Variants in CCDC60 observed in about 807,000 individuals in gnomAD.
CCDC60 encodes coiled-coil domain-containing protein 60.
CCDC60 carries 54 observed loss-of-function variants against 63.5 expected under a neutral mutation model. That is an observed-to-expected ratio of 0.85 (90% confidence interval 0.68 to 1.07). CCDC60 has a LOEUF of 1.07. CCDC60 is among the 50% of genes least tolerant of loss of function. The probability of loss-of-function intolerance (pLI) is 0.00; values close to 1 mark genes in which losing one functional copy is unlikely to be tolerated. For synonymous variants in CCDC60, 206 were observed against 238.8 expected, an observed-to-expected ratio of 0.86 and a Z score of 1.27; for missense variants, 651 against 684.3, an observed-to-expected ratio of 0.95 and a Z score of 0.54.
chr12:119,388,047 C>G (rs898365660), intron 1 of CCDC60: 1 of 152,200 alleles, frequency 6.6e-6, no homozygotes, highest in Non-Finnish European at 1.5e-5. Flanking sequence ...GTTAGAGCAG[C>G]ACAAAGGTGG....
intron 4 of CCDC60, 147 bp downstream of exon 4, chr12:119,479,348 CA>C: frequency 1.7e-6 from 1 of 604,018 alleles, no homozygotes; most frequent in South Asian, 2.0e-5. Context: ...AGCTATTTGG[CA>C]TATAAAAATA....
At chr12:119,495,562 C>G (rs1007706815) in intron 5 of CCDC60, among the ~76,000 whole-genome samples, 5 of 152,192 alleles carry the variant, frequency 3.3e-5, no homozygotes, top group African/African-American at 1.2e-4. Context: ...ATTCCAAGAC[C>G]TTTACGTCTT....
chr12:119,369,201 T>C (rs779892946), intron 1 of CCDC60, among the ~76,000 whole-genome samples: 7 of 152,132 alleles, frequency 4.6e-5, no homozygotes, highest in African/African-American at 7.2e-5. Context: ...GAGGAATGAA[T>C]GCTAAATCCA....
chr12:119,382,841 T>A (rs1956022218), intron 1 of CCDC60, among the ~76,000 whole-genome samples: 1 of 152,102 alleles, frequency 6.6e-6, no homozygotes, highest in Admixed American at 6.5e-5. Context: ...TGTGACTATC[T>A]CACCACCCAC....
At chr12:119,510,341 T>A (rs1952180306) in intron 7 of CCDC60, among the ~76,000 whole-genome samples, 1 of 152,114 alleles carries the variant, frequency 6.6e-6, no homozygotes, top group African/African-American at 2.4e-5. Context: ...TGCACACTCT[T>A]GTATGACTCT....
intron 1 of CCDC60, among the ~76,000 whole-genome samples, chr12:119,407,744 C>CT (rs1384192130): frequency 2.6e-5 from 4 of 151,942 alleles, no homozygotes; most frequent in East Asian, 3.9e-4. Context: ...TTGGTAGTGG[C>CT]TTTTTTTTAA....
At chr12:119,349,113 T>C (rs112467846) in intron 1 of CCDC60, among the ~76,000 whole-genome samples, 1 of 152,282 alleles carries the variant, frequency 6.6e-6, no homozygotes, top group South Asian at 2.1e-4. Flanking sequence ...CCATCCATCA[T>C]TTTTAACCAT....
intron 8 of CCDC60, among the ~76,000 whole-genome samples, chr12:119,519,839 GGAGAGA>G (rs748120101): frequency 3.4e-5 from 5 of 147,748 alleles, no homozygotes; most frequent in African/African-American, 7.5e-5. Context: ...GGGAATTTTA[GGAGAGA>G]GAGAGAGAGA....
At chr12:119,485,415 G>C (rs537068274) in intron 4 of CCDC60, among the ~76,000 whole-genome samples, 1 of 152,188 alleles carries the variant, frequency 6.6e-6, no homozygotes, top group Non-Finnish European at 1.5e-5. Flanking sequence ...AGTTTGCTGG[G>C]GCTGCCATAG....
chr12:119,404,392 C>T (rs1956448004), intron 1 of CCDC60, among the ~76,000 whole-genome samples: 1 of 152,214 alleles, frequency 6.6e-6, no homozygotes. Flanking sequence ...CCCACCACAG[C>T]TACATCATAT....
intron 2 of CCDC60, among the ~76,000 whole-genome samples, chr12:119,455,821 A>AGGAGGAAGGAGAAGAAGAAG (rs1181492405): frequency 6.7e-6 from 1 of 149,310 alleles, no homozygotes; most frequent in Non-Finnish European, 1.5e-5. Context: ...GAAGAAAAGG[A>AGGAGGAAGGAGAAGAAGAAG]GGAGGAAGGA....
chr12:119,401,030 ACTT>A (rs1956383069), intron 1 of CCDC60, among the ~76,000 whole-genome samples: 2 of 152,224 alleles, frequency 1.3e-5, no homozygotes, highest in South Asian at 2.1e-4. Context: ...CCTACTCTGT[ACTT>A]CTTCTTACAT....
At chr12:119,384,151 G>T (rs555640453) in intron 1 of CCDC60, among the ~76,000 whole-genome samples, 49 of 151,924 alleles carry the variant, frequency 3.2e-4, no homozygotes, top group Non-Finnish European at 6.3e-4. Flanking sequence ...AGCTGACATC[G>T]TGCCACTACA....
intron 1 of CCDC60, among the ~76,000 whole-genome samples, chr12:119,336,351 TG>T (rs1488504954): frequency 6.6e-6 from 1 of 152,232 alleles, no homozygotes; most frequent in Non-Finnish European, 1.5e-5. Context: ...TATCAATGGC[TG>T]GTTTCTCTTA....
intron 2 of CCDC60, among the ~76,000 whole-genome samples, chr12:119,440,897 A>G (rs1481223145): frequency 1.3e-5 from 2 of 152,196 alleles, no homozygotes; most frequent in African/African-American, 4.8e-5. Context: ...CAAGGCTGTG[A>G]TGAGGATTAA....
chr12:119,443,699 T>C (rs1207434957), intron 2 of CCDC60, among the ~76,000 whole-genome samples: 1 of 152,238 alleles, frequency 6.6e-6, no homozygotes, highest in Non-Finnish European at 1.5e-5. Context: ...AAAAACTGTC[T>C]TTAAAACCAG....
intron 1 of CCDC60, among the ~76,000 whole-genome samples, chr12:119,402,729 C>T (rs1956415323): frequency 6.6e-6 from 1 of 152,128 alleles, no homozygotes; most frequent in African/African-American, 2.4e-5. Context: ...GTTGGGTAAT[C>T]TCTCAACGCT....
intron 9 of CCDC60, among the ~76,000 whole-genome samples, chr12:119,522,566 C>T (rs762377409): frequency 3.3e-5 from 5 of 152,110 alleles, no homozygotes; most frequent in Non-Finnish European, 5.9e-5. Flanking sequence ...AATTCACCCT[C>T]CAGACAAAGA....
intron 8 of CCDC60, 46 bp downstream of exon 8, chr12:119,516,753 C>T: frequency 1.5e-6 from 2 of 1,326,286 alleles, no homozygotes; most frequent in Non-Finnish European, 2.2e-6. Flanking sequence ...AGAATAATAG[C>T]AATCACATTA....
Sources: allele counts gnomAD v4.1 joint callset (sites outside exome capture counted in the v4.1 genomes callset), GRCh38; gene constraint gnomAD v4.1.1; transcripts MANE v1.5; gene names NCBI Gene and HGNC (gene_info 2026-07-23, HGNC 2026-07-21).